KIF1B: variants seen among roughly 807,000 people sequenced by gnomAD.
KIF1B encodes the protein kinesin-like protein KIF1B.
A neutral mutation model predicts 241.9 loss-of-function variants in KIF1B; 76 were observed. That is an observed-to-expected ratio of 0.31 (90% confidence interval 0.26 to 0.38). KIF1B has a LOEUF of 0.38. KIF1B is among the 10% of genes least tolerant of loss of function. KIF1B has a pLI of 1.00. For synonymous variants in KIF1B, 750 were observed against 796.7 expected (o/e 0.94, Z 0.99); for missense variants, 1,622 against 2,271.4 (o/e 0.71, Z 5.81).
chr1:10,251,475 C>T (rs1647443410), intron 2 of KIF1B, among the ~76,000 whole-genome samples: 1 of 151,960 alleles, frequency 6.6e-6, no homozygotes, highest in Non-Finnish European at 1.5e-5. Flanking sequence ...TGGCTCACCC[C>T]TGTAATCCCA....
intron 1 of KIF1B, among the ~76,000 whole-genome samples, chr1:10,220,328 TC>T (rs540621011): frequency 9.3e-4 from 140 of 150,960 alleles, no homozygotes; most frequent in African/African-American, 3.1e-3. Context: ...CTGTGATTGT[TC>T]CACTGTACTC....
At chr1:10,358,701 A>G (rs894762383) in intron 38 of KIF1B, among the ~76,000 whole-genome samples, 1 of 151,666 alleles carries the variant, frequency 6.6e-6, no homozygotes, top group Non-Finnish European at 1.5e-5. Context: ...AAAAAAAAAA[A>G]CAGATCTCAC....
intron 7 of KIF1B, among the ~76,000 whole-genome samples, chr1:10,270,857 T>C (rs1034847508): frequency 5.5e-5 from 8 of 144,728 alleles, no homozygotes; most frequent in Admixed American, 2.9e-4. Flanking sequence ...ACCCAGGAGG[T>C]GGAGGTTGCA....
chr1:10,308,236 G>T, intron 22 of KIF1B: 4 of 1,060,760 alleles, frequency 3.8e-6, no homozygotes, highest in Non-Finnish European at 4.6e-6. Context: ...GCCGTCTTAG[G>T]CACAGTGCAA....
At chr1:10,355,996 T>A (rs532535658) in intron 38 of KIF1B, among the ~76,000 whole-genome samples, 11 of 152,244 alleles carry the variant, frequency 7.2e-5, no homozygotes, top group East Asian at 1.9e-4. Flanking sequence ...GGAAGTTTTT[T>A]AAAAAATCTG....
chr1:10,309,035 C>G (rs140467817), intron 22 of KIF1B, among the ~76,000 whole-genome samples: 2 of 152,258 alleles, frequency 1.3e-5, no homozygotes, highest in East Asian at 3.9e-4. Flanking sequence ...TTTTCTTTCT[C>G]CTTTAACCTC....
intron 44 of KIF1B, among the ~76,000 whole-genome samples, chr1:10,369,368 C>T (rs772978728): frequency 6.6e-6 from 1 of 152,224 alleles, no homozygotes; most frequent in Non-Finnish European, 1.5e-5. Context: ...GTGGTGCATA[C>T]CTGTAATCCC....
chr1:10,313,826 A>G (rs1028256070), intron 22 of KIF1B, among the ~76,000 whole-genome samples: 1 of 151,488 alleles, frequency 6.6e-6, no homozygotes, highest in South Asian at 2.1e-4. Flanking sequence ...TTGAGATTAC[A>G]GGCGTGAGCC....
intron 12 of KIF1B, 69 bp downstream of exon 12, chr1:10,276,468 G>T (rs1480510498): frequency 9.5e-7 from 1 of 1,053,600 alleles, no homozygotes; most frequent in Non-Finnish European, 1.5e-6. Context: ...TGATACCATG[G>T]ATGTTTTTAT....
At chr1:10,328,809 G>A (rs1651815844) in intron 27 of KIF1B, among the ~76,000 whole-genome samples, 1 of 152,210 alleles carries the variant, frequency 6.6e-6, no homozygotes, top group South Asian at 2.1e-4. Context: ...ACTATGACAA[G>A]CAACTTAAAG....
chr1:10,311,209 C>T (rs1161945071), intron 22 of KIF1B, among the ~76,000 whole-genome samples: 1 of 150,298 alleles, frequency 6.7e-6, no homozygotes, highest in Non-Finnish European at 1.5e-5. Context: ...TTGCCTACCT[C>T]CCATTCTTTT....
In KIF1B at chr1:10,303,590, A is replaced by G. The variant is rs1312806819; in HGVS notation, c.2115+6344A>G. On this transcript the variant is annotated intron_variant, in intron 22 of 48. Transcript: ENST00000676179. This position sits in a 1 kb window ranked among gnomAD's most constrained non-coding sequence, Gnocchi z 5.2. ...GATACCGTCGGTGTTGGGGATGAGAAGATCGAAGACGTCATGGCCACTGGG... is the reference window on the plus strand; with the variant it reads ...GATACCGTCGGTGTTGGGGATGAGAGGATCGAAGACGTCATGGCCACTGGG... 1 of 1,614,096 alleles carries G rather than the reference A, an allele frequency of 6.2e-7. No individual in the cohort carries two copies. Among genetic ancestry groups the G allele is most frequent in the African/African-American group, 1.3e-5 (1 of 74,932 alleles).
At chr1:10,252,358 A>G (rs1293669339) in intron 2 of KIF1B, among the ~76,000 whole-genome samples, 1 of 150,864 alleles carries the variant, frequency 6.6e-6, no homozygotes, top group Non-Finnish European at 1.5e-5. Flanking sequence ...CCACTTTTAA[A>G]TGAGAGGTTC....
chr1:10,244,327 T>TG (rs1287174588), intron 2 of KIF1B, among the ~76,000 whole-genome samples: 6 of 149,986 alleles, frequency 4.0e-5, no homozygotes, highest in Non-Finnish European at 5.9e-5. Flanking sequence ...TTTTTTTTTT[T>TG]TTTTGAGATG....
At chr1:10,282,161 T>C (rs1002696142) in intron 14 of KIF1B, among the ~76,000 whole-genome samples, 161 bp from the exon 15 acceptor site, 2 of 152,236 alleles carry the variant, frequency 1.3e-5, no homozygotes, top group African/African-American at 2.4e-5. Context: ...AGAACTGCCA[T>C]CTAGAACAGT....
intron 38 of KIF1B, among the ~76,000 whole-genome samples, chr1:10,355,925 G>C (rs1454518595): frequency 1.3e-5 from 2 of 152,060 alleles, no homozygotes; most frequent in African/African-American, 4.8e-5. Context: ...TGTCAGGGCT[G>C]CTTGTTTTAT....
At chr1:10,315,427 CG>C (rs1651261925) in intron 22 of KIF1B, among the ~76,000 whole-genome samples, 1 of 150,974 alleles carries the variant, frequency 6.6e-6, no homozygotes, top group South Asian at 2.1e-4. Flanking sequence ...CTGCCTGCCT[CG>C]GCCTCCCAAA....
At chr1:10,353,380 C>T (rs1022902716) in intron 38 of KIF1B, among the ~76,000 whole-genome samples, 7 of 152,252 alleles carry the variant, frequency 4.6e-5, no homozygotes, top group Admixed American at 6.5e-5. Context: ...ACAGACAGTT[C>T]GTAAAGTACA....
intron 22 of KIF1B, among the ~76,000 whole-genome samples, chr1:10,309,009 T>A (rs1156742558): frequency 1.3e-5 from 2 of 152,246 alleles, no homozygotes; most frequent in African/African-American, 2.4e-5. Flanking sequence ...TAAAAAGTTT[T>A]GAGTGACTCT....
Sources: allele counts gnomAD v4.1 joint callset (sites outside exome capture counted in the v4.1 genomes callset), GRCh38; gene constraint gnomAD v4.1.1; non-coding constraint Gnocchi (gnomAD v3.1); transcripts MANE v1.5; gene names NCBI Gene and HGNC (gene_info 2026-07-23, HGNC 2026-07-21).